The following AIG1 variants were observed in gnomAD, a reference collection of about 807,000 sequenced individuals.
AIG1 encodes androgen induced 1.
In AIG1, 23 loss-of-function variants were observed where a neutral mutation model predicts 31.4. That is an observed-to-expected ratio of 0.73 (90% CI 0.53 to 1.04). The LOEUF is 1.04. Ranked by LOEUF, AIG1 falls within the 50% of genes least tolerant of loss-of-function variation. The pLI, the probability that AIG1 is intolerant of heterozygous loss-of-function variation, is 0.00. For missense variants in AIG1, 274 were observed against 295.0 expected, an observed-to-expected ratio of 0.93 and a Z score of 0.52; for synonymous variants, 100 against 110.5, an observed-to-expected ratio of 0.90 and a Z score of 0.60.
intron 1 of AIG1, among the ~76,000 whole-genome samples, chr6:143,101,123 G>T (rs1780238438): frequency 6.6e-6 from 1 of 151,832 alleles, no homozygotes; most frequent in African/African-American, 2.4e-5. Context: ...AACCAGTGTA[G>T]GTAATGTTTA....
In AIG1 at chr6:143,333,284, T is replaced by C. The variant is rs1314523728; in HGVS notation, c.518T>C (p.Val173Ala). 6.2e-7 allele frequency: 1 copy of C among 1,606,264 alleles called. No homozygotes were observed. Among genetic ancestry groups the C allele is most frequent in the African/African-American group, 1.3e-5 (1 of 74,462 alleles). ...CTFSVGYILW[V>A]CWVHHVTGMW... ...TCTCCTTTCCGATTCTTTTGCAGGG[T>C]GTGCTGGGTGCATCATGTAACTGGC... The change falls in exon 5 of 6, where the codon GTG (valine) becomes GCG (alanine). Residue 173 changes from valine to alanine, a missense_variant and splice_region_variant. This residue lies in a region of AIG1 where 243 missense variants were observed against 238.5 expected (regional missense o/e 1.02). Transcript: ENST00000357847. The surrounding 1 kb of genome is among the most constrained non-coding windows in gnomAD (Gnocchi z 4.6).
chr6:143,158,168 A>G (rs930540932), intron 2 of AIG1, among the ~76,000 whole-genome samples: 2 of 152,110 alleles, frequency 1.3e-5, no homozygotes, highest in African/African-American at 4.8e-5. Flanking sequence ...TGAGCCATAT[A>G]TTCAGGCACC....
At chr6:143,211,740 A>G (rs879923576) in intron 3 of AIG1, among the ~76,000 whole-genome samples, 25 of 152,074 alleles carry the variant, frequency 1.6e-4, no homozygotes, top group Non-Finnish European at 3.1e-4. Flanking sequence ...TAAAAATGCA[A>G]AAATTAGCTG....
intron 3 of AIG1, chr6:143,188,612 C>G (rs1481679154): frequency 1.0e-6 from 1 of 985,030 alleles, no homozygotes; most frequent in African/African-American, 1.7e-5. Flanking sequence ...TATGCCAGCT[C>G]TCAGATTTGT....
intron 2 of AIG1, among the ~76,000 whole-genome samples, chr6:143,151,662 T>C (rs1785240711): frequency 6.6e-6 from 1 of 152,208 alleles, no homozygotes; most frequent in South Asian, 2.1e-4. Context: ...CTTCTCTCAG[T>C]AAGTGAACTT....
intron 4 of AIG1, among the ~76,000 whole-genome samples, chr6:143,314,527 G>A (rs1438767966): frequency 6.6e-6 from 1 of 152,078 alleles, no homozygotes; most frequent in African/African-American, 2.4e-5. Context: ...TATAACTACA[G>A]TAAAGAGTCA....
intron 3 of AIG1, among the ~76,000 whole-genome samples, chr6:143,182,053 C>T (rs1234562699): frequency 6.6e-6 from 1 of 151,888 alleles, no homozygotes; most frequent in African/African-American, 2.4e-5. Context: ...CAGAGTCTCA[C>T]TTTGTTGCAC....
At chr6:143,159,436 C>T (rs1342860828) in intron 2 of AIG1, among the ~76,000 whole-genome samples, 1 of 151,974 alleles carries the variant, frequency 6.6e-6, no homozygotes, top group Non-Finnish European at 1.5e-5. Context: ...ATAGTTAAAA[C>T]CCACGAAAAA....
At chr6:143,071,653 C>T (rs1415336068) in intron 1 of AIG1, among the ~76,000 whole-genome samples, 1 of 150,682 alleles carries the variant, frequency 6.6e-6, no homozygotes, top group Non-Finnish European at 1.5e-5. Flanking sequence ...AGTGATATCT[C>T]ATCGTGGTGG....
At chr6:143,140,816 T>A (rs1275125872) in intron 2 of AIG1, among the ~76,000 whole-genome samples, 2 of 152,144 alleles carry the variant, frequency 1.3e-5, no homozygotes, top group East Asian at 3.9e-4. Flanking sequence ...GTGGACACAG[T>A]CAAAATCCTA....
At chr6:143,104,601 A>T (rs1780625093) in intron 1 of AIG1, among the ~76,000 whole-genome samples, 1 of 152,320 alleles carries the variant, frequency 6.6e-6, no homozygotes, top group African/African-American at 2.4e-5. Context: ...CAGAGAAAAC[A>T]TAGAAACTAT....
At chr6:143,182,584 C>A (rs528017961) in intron 3 of AIG1, among the ~76,000 whole-genome samples, 144 of 152,306 alleles carry the variant, frequency 9.5e-4, no homozygotes, top group Middle Eastern at 3.4e-3. Context: ...ATACTCCCCA[C>A]TCACTGAAAT....
chr6:143,234,108 C>G (rs922702944), intron 3 of AIG1, among the ~76,000 whole-genome samples: 1 of 152,140 alleles, frequency 6.6e-6, no homozygotes, highest in Non-Finnish European at 1.5e-5. Context: ...CAAAGACCCC[C>G]CTAAACACAC....
chr6:143,170,626 C>G (rs1787414868), intron 3 of AIG1, among the ~76,000 whole-genome samples: 1 of 149,406 alleles, frequency 6.7e-6, no homozygotes, highest in Admixed American at 6.6e-5. Context: ...TTTTTTGTCT[C>G]TATTTCAATT....
chr6:143,302,096 G>T (rs1191491018), intron 4 of AIG1, among the ~76,000 whole-genome samples: 1 of 151,904 alleles, frequency 6.6e-6, no homozygotes, highest in Non-Finnish European at 1.5e-5. Context: ...AGACAAGTTT[G>T]TGATTGCACA....
chr6:143,194,167 A>G (rs559058893), intron 3 of AIG1, among the ~76,000 whole-genome samples: 67 of 152,358 alleles, frequency 4.4e-4, no homozygotes, highest in African/African-American at 1.6e-3. Context: ...TAATTGACTT[A>G]CAGTTCTGTA....
chr6:143,334,005 A>G lies in AIG1; in HGVS notation c.679+560A>G, dbSNP rs1777289835. On this transcript the variant is annotated intron_variant, in intron 5 of 5. Transcript: ENST00000357847. This position sits in a 1 kb window ranked among gnomAD's most constrained non-coding sequence, Gnocchi z 5.1. ...GTGGCAAAGAGCTACAAGCAGTAAA[A>G]GATAATATTTCGTGGCTGGAAAAAC... 1 of 1,501,724 alleles carries G rather than the reference A, an allele frequency of 6.7e-7. No individual in the cohort carries two copies. The highest frequency in any genetic ancestry group is 1.4e-5 in the African/African-American group (1 of 71,778). The allele number at this position is 1,501,724 out of a possible 1,614,324, so 93.0% of individuals were successfully genotyped here. A position where few individuals can be genotyped will look rare whatever the true frequency, so the allele number is the denominator to read the frequency against.
At chr6:143,122,607 A>G (rs961234974) in intron 1 of AIG1, among the ~76,000 whole-genome samples, 7 of 152,176 alleles carry the variant, frequency 4.6e-5, no homozygotes, top group Non-Finnish European at 1.0e-4. Flanking sequence ...TTTCTATTCG[A>G]TTCTAATTTC....
At chr6:143,059,780 C>A (rs1454345568), upstream of AIG1, among the ~76,000 whole-genome samples, 1 of 152,176 alleles carries the variant, frequency 6.6e-6, no homozygotes, top group Admixed American at 6.5e-5. Context: ...AAGAGGACAC[C>A]TGTTTTAAAT....
Sources: allele counts gnomAD v4.1 joint callset (sites outside exome capture counted in the v4.1 genomes callset), GRCh38; gene constraint gnomAD v4.1.1; regional missense constraint gnomAD v4.1.1; non-coding constraint Gnocchi (gnomAD v3.1); transcripts MANE v1.5; gene names NCBI Gene and HGNC (gene_info 2026-07-23, HGNC 2026-07-21).